Variants in PLXNA4 observed in about 807,000 individuals in gnomAD.
The protein encoded by PLXNA4 is plexin A4.
A neutral mutation model predicts 191.8 loss-of-function variants in PLXNA4; 44 were observed. The observed-to-expected ratio is 0.23, with a 90% CI of 0.18 to 0.29. PLXNA4 has a LOEUF of 0.29. Among genes scored for constraint, PLXNA4 ranks in the 10% least tolerant of loss-of-function variants. The pLI, the probability that PLXNA4 is intolerant of heterozygous loss-of-function variation, is 1.00. For synonymous variants in PLXNA4, 1,082 were observed against 1,009.5 expected (o/e 1.07, Z -1.36); for missense variants, 1,800 against 2,488.8 (o/e 0.72, Z 5.89).
intron 2 of PLXNA4, among the ~76,000 whole-genome samples, chr7:132,624,643 A>G (rs1216349196): frequency 2.6e-5 from 4 of 152,190 alleles, no homozygotes; most frequent in Non-Finnish European, 1.5e-5. Flanking sequence ...CTTGAAAACT[A>G]CAGTTCCTGG....
intron 2 of PLXNA4, among the ~76,000 whole-genome samples, chr7:132,645,269 G>A (rs964695270): frequency 1.3e-5 from 2 of 152,184 alleles, no homozygotes; most frequent in African/African-American, 4.8e-5. Context: ...CATATCGAGG[G>A]AGGAGCCTGG....
chr7:132,643,357 T>C (rs1328831706), intron 2 of PLXNA4, among the ~76,000 whole-genome samples: 1 of 152,084 alleles, frequency 6.6e-6, no homozygotes, highest in Non-Finnish European at 1.5e-5. Context: ...AACACACACG[T>C]GAAACACAGC....
At chr7:132,194,363 C>T (rs948996359) in intron 13 of PLXNA4, among the ~76,000 whole-genome samples, 184 bp from the exon 14 acceptor site, 2 of 152,180 alleles carry the variant, frequency 1.3e-5, no homozygotes, top group African/African-American at 2.4e-5. Flanking sequence ...CAGGCAATGA[C>T]GAAAACTGAC....
chr7:132,426,335 G>C (rs1469473460), intron 3 of PLXNA4, among the ~76,000 whole-genome samples: 2 of 152,192 alleles, frequency 1.3e-5, no homozygotes, highest in African/African-American at 2.4e-5. Context: ...CCACTGGCTG[G>C]GTTGCCGGGC....
At chr7:132,207,917 G>A (rs962490188) in intron 10 of PLXNA4, among the ~76,000 whole-genome samples, 2 of 152,226 alleles carry the variant, frequency 1.3e-5, no homozygotes, top group Non-Finnish European at 2.9e-5. Flanking sequence ...GATGTGTTAT[G>A]AAACTGGATT....
At chr7:132,504,858 G>A (rs894994387) in intron 2 of PLXNA4, among the ~76,000 whole-genome samples, 1 of 152,228 alleles carries the variant, frequency 6.6e-6, no homozygotes, top group Non-Finnish European at 1.5e-5. Flanking sequence ...ATGAGTTGAG[G>A]AAGAGCTGGG....
At chr7:132,186,131 C>T (rs1796871378) in intron 15 of PLXNA4, among the ~76,000 whole-genome samples, 1 of 152,194 alleles carries the variant, frequency 6.6e-6, no homozygotes, top group South Asian at 2.1e-4. Flanking sequence ...AATCTCAGGC[C>T]AGCTGAGGGA....
intron 8 of PLXNA4, among the ~76,000 whole-genome samples, chr7:132,225,621 C>CCCCA (rs1554395273): frequency 6.6e-6 from 1 of 151,348 alleles, no homozygotes; most frequent in African/African-American, 2.4e-5. Flanking sequence ...AGTCCGCCCC[C>CCCCA]CCCCACAGCT....
At chr7:132,366,954 G>C (rs1181532333) in intron 3 of PLXNA4, among the ~76,000 whole-genome samples, 2 of 152,136 alleles carry the variant, frequency 1.3e-5, no homozygotes, top group African/African-American at 4.8e-5. Flanking sequence ...TATTTTTGTA[G>C]AGACAGGTTC....
chr7:132,645,229 C>T (rs964102977), intron 2 of PLXNA4, among the ~76,000 whole-genome samples: 3 of 152,202 alleles, frequency 2.0e-5, no homozygotes, highest in Admixed American at 1.3e-4. Flanking sequence ...ACCCAAATAT[C>T]ATCTTGAATT....
chr7:132,299,499 T>C (rs1801227727), intron 3 of PLXNA4, among the ~76,000 whole-genome samples: 1 of 152,182 alleles, frequency 6.6e-6, no homozygotes, highest in African/African-American at 2.4e-5. Flanking sequence ...GGTTATTTTG[T>C]GGTTTATTTG....
At chr7:132,434,605 T>C (rs1181576928) in intron 3 of PLXNA4, among the ~76,000 whole-genome samples, 1 of 152,254 alleles carries the variant, frequency 6.6e-6, no homozygotes, top group Non-Finnish European at 1.5e-5. Context: ...TCCAAGGAGC[T>C]TGCCATCTGC....
intron 1 of PLXNA4, among the ~76,000 whole-genome samples, chr7:132,521,177 TGAAAA>T (rs1799164239): frequency 8.6e-6 from 1 of 115,660 alleles, no homozygotes; most frequent in African/African-American, 3.3e-5. Context: ...ATTTGCTCCT[TGAAAA>T]AAAAAAAAAA....
intron 3 of PLXNA4, among the ~76,000 whole-genome samples, chr7:132,316,705 C>T (rs900074413): frequency 6.6e-6 from 1 of 152,148 alleles, no homozygotes; most frequent in Non-Finnish European, 1.5e-5. Flanking sequence ...TTCATGACAC[C>T]ACTGTAGCTT....
At chr7:132,258,422 G>T (rs1799507872) in intron 4 of PLXNA4, among the ~76,000 whole-genome samples, 1 of 152,196 alleles carries the variant, frequency 6.6e-6, no homozygotes, top group African/African-American at 2.4e-5. Flanking sequence ...CAGCACGAAT[G>T]GGCTGGCGTC....
chr7:132,205,052 T>C (rs1277046537), intron 10 of PLXNA4, among the ~76,000 whole-genome samples: 2 of 151,966 alleles, frequency 1.3e-5, no homozygotes, highest in Non-Finnish European at 2.9e-5. Flanking sequence ...GTTTGACCAA[T>C]GGCACCCGGG....
chr7:132,252,933 AAAAC>A (rs1003401625), intron 4 of PLXNA4, among the ~76,000 whole-genome samples: 1 of 152,228 alleles, frequency 6.6e-6, no homozygotes, highest in African/African-American at 2.4e-5. Flanking sequence ...TTGAGTTAAA[AAAAC>A]AAATTTTATA....
intron 1 of PLXNA4, among the ~76,000 whole-genome samples, chr7:132,565,673 A>G (rs980209951): frequency 6.6e-6 from 1 of 152,160 alleles, no homozygotes; most frequent in Non-Finnish European, 1.5e-5. Flanking sequence ...AATGCCATGA[A>G]TAGTCCCCCG....
chr7:132,286,114 A>G (rs1800674133), intron 4 of PLXNA4, among the ~76,000 whole-genome samples: 1 of 152,152 alleles, frequency 6.6e-6, no homozygotes, highest in Non-Finnish European at 1.5e-5. Context: ...AGCAATTCCC[A>G]CAGCAGGACC....
Sources: gnomAD v4.1 joint callset for allele counts (sites outside exome capture counted in the v4.1 genomes callset) on GRCh38, gnomAD v4.1.1 for gene constraint, MANE v1.5 for transcripts, NCBI Gene and HGNC (gene_info 2026-07-23, HGNC 2026-07-21) for gene names.